SLC35F4: variants seen among roughly 807,000 people sequenced by gnomAD.
SLC35F4 encodes the protein solute carrier family 35 member F4.
A neutral mutation model predicts 44.2 loss-of-function variants in SLC35F4; 24 were observed. The ratio of observed to expected loss-of-function variants is 0.54; its 90% CI spans 0.39 to 0.76. SLC35F4 has a LOEUF of 0.76. Ranked by LOEUF, SLC35F4 falls within the 30% of genes least tolerant of loss-of-function variation. The probability of loss-of-function intolerance (pLI) is 0.00; values close to 1 mark genes in which losing one functional copy is unlikely to be tolerated. For missense variants in SLC35F4, 562 were observed against 586.1 expected, an observed-to-expected ratio of 0.96 and a Z score of 0.42; for synonymous variants, 238 against 223.6, an observed-to-expected ratio of 1.06 and a Z score of -0.57.
chr14:57,958,116 C>T (rs1334485484), intron 1 of SLC35F4, among the ~76,000 whole-genome samples: 2 of 151,262 alleles, frequency 1.3e-5, no homozygotes, highest in African/African-American at 4.9e-5. Flanking sequence ...AGTGCAGTGG[C>T]GCGAAATCTC....
At chr14:57,957,468 T>C (rs1261191702) in intron 1 of SLC35F4, among the ~76,000 whole-genome samples, 1 of 152,092 alleles carries the variant, frequency 6.6e-6, no homozygotes, top group Non-Finnish European at 1.5e-5. Flanking sequence ...ATTCCATATA[T>C]ACAAATTTTG....
At chr14:57,772,711 A>C (rs1181277541) in intron 1 of SLC35F4, among the ~76,000 whole-genome samples, 2 of 152,198 alleles carry the variant, frequency 1.3e-5, no homozygotes, top group Non-Finnish European at 2.9e-5. Flanking sequence ...ATGGCTGCAT[A>C]GTATTCCATG....
At chr14:57,978,181 A>G (rs1881273710) in intron 1 of SLC35F4, among the ~76,000 whole-genome samples, 1 of 152,108 alleles carries the variant, frequency 6.6e-6, no homozygotes, top group Non-Finnish European at 1.5e-5. Context: ...AGGCTGATCT[A>G]GTTGTTTCAC....
At chr14:57,575,751 T>C (rs2068750113) in intron 4 of SLC35F4, among the ~76,000 whole-genome samples, 1 of 152,170 alleles carries the variant, frequency 6.6e-6, no homozygotes, top group South Asian at 2.1e-4. Flanking sequence ...GCTGGGGCCC[T>C]CAGACAGCTC....
At chr14:57,574,661 T>C (rs1180001439) in intron 4 of SLC35F4, among the ~76,000 whole-genome samples, 1 of 152,218 alleles carries the variant, frequency 6.6e-6, no homozygotes, top group Non-Finnish European at 1.5e-5. Context: ...AAATTTTAAA[T>C]ATATTTCTTA....
At chr14:57,799,790 C>A (rs1248345225) in intron 1 of SLC35F4, among the ~76,000 whole-genome samples, 3 of 152,246 alleles carry the variant, frequency 2.0e-5, no homozygotes, top group Non-Finnish European at 2.9e-5. Flanking sequence ...TTCCTCCTCA[C>A]TGGGTGGGAC....
intron 1 of SLC35F4, among the ~76,000 whole-genome samples, chr14:57,720,547 T>A (rs190700249): frequency 2.2e-4 from 34 of 152,276 alleles, no homozygotes; most frequent in African/African-American, 7.9e-4. Context: ...TCTTCCTGGG[T>A]CAATCTTGGT....
At chr14:57,720,979 C>CAT (rs3062932) in intron 1 of SLC35F4, among the ~76,000 whole-genome samples, 9,233 of 49,524 alleles carry the variant, frequency 0.19, 851 homozygotes, top group Non-Finnish European at 0.19. Context: ...ATAAACTCCT[C>CAT]ATATATATAT....
intron 1 of SLC35F4, among the ~76,000 whole-genome samples, chr14:57,650,571 G>C (rs546635554): frequency 6.6e-6 from 1 of 152,048 alleles, no homozygotes; most frequent in Admixed American, 6.6e-5. Context: ...AGACCACTAC[G>C]ATAATCTGCT....
At chr14:57,627,484 T>G (rs1948909958) in intron 1 of SLC35F4, among the ~76,000 whole-genome samples, 1 of 149,620 alleles carries the variant, frequency 6.7e-6, no homozygotes, top group Non-Finnish European at 1.5e-5. Flanking sequence ...TATGGAATTA[T>G]ACTTACTTTA....
intron 1 of SLC35F4, among the ~76,000 whole-genome samples, chr14:57,872,533 C>G (rs1274523087): frequency 6.6e-6 from 1 of 152,176 alleles, no homozygotes; most frequent in Non-Finnish European, 1.5e-5. Flanking sequence ...CAGCACCTCA[C>G]CTCATGCCAA....
intron 1 of SLC35F4, among the ~76,000 whole-genome samples, chr14:57,764,006 C>T (rs759444758): frequency 6.6e-5 from 10 of 152,138 alleles, no homozygotes; most frequent in Non-Finnish European, 1.2e-4. Flanking sequence ...GAAACACATG[C>T]TGTTGGGATG....
chr14:57,630,857 A>T (rs1191321827), intron 1 of SLC35F4: 15 of 874,098 alleles, frequency 1.7e-5, no homozygotes, highest in Non-Finnish European at 2.0e-5. Flanking sequence ...TTGAGAAGCC[A>T]CTCTTAAGAG....
chr14:57,656,160 C>T (rs555630051), intron 1 of SLC35F4, among the ~76,000 whole-genome samples: 64 of 152,108 alleles, frequency 4.2e-4, no homozygotes, highest in African/African-American at 1.5e-3. Context: ...TCTACTACTC[C>T]CCTTCCTATC....
chr14:57,757,116 T>C (rs921904722), intron 1 of SLC35F4, among the ~76,000 whole-genome samples: 1 of 152,222 alleles, frequency 6.6e-6, no homozygotes, highest in Admixed American at 6.5e-5. Context: ...TTTCCTCTTG[T>C]TGAAATTGAT....
At chr14:57,930,724 G>T (rs985665758) in intron 1 of SLC35F4, among the ~76,000 whole-genome samples, 1 of 152,180 alleles carries the variant, frequency 6.6e-6, no homozygotes, top group African/African-American at 2.4e-5. Flanking sequence ...TAGACTGCAG[G>T]TGCATCATCT....
At chr14:57,733,763 A>G (rs1035070982) in intron 1 of SLC35F4, among the ~76,000 whole-genome samples, 5 of 152,062 alleles carry the variant, frequency 3.3e-5, no homozygotes, top group African/African-American at 9.7e-5. Context: ...AGGTTTAGTG[A>G]TTATTAATTC....
chr14:57,672,954 A>C (rs1000009218), intron 1 of SLC35F4, among the ~76,000 whole-genome samples: 2 of 151,852 alleles, frequency 1.3e-5, no homozygotes, highest in Admixed American at 1.3e-4. Context: ...TCACAATTTC[A>C]CTGTGCTAAT....
chr14:57,835,199 A>G (rs1394576629), intron 1 of SLC35F4, among the ~76,000 whole-genome samples: 1 of 152,222 alleles, frequency 6.6e-6, no homozygotes, highest in Non-Finnish European at 1.5e-5. Flanking sequence ...CATCTCCTTC[A>G]GATCCTGTAA....
Sources: gnomAD v4.1 joint callset for allele counts (sites outside exome capture counted in the v4.1 genomes callset) on GRCh38, gnomAD v4.1.1 for gene constraint, MANE v1.5 for transcripts, NCBI Gene and HGNC (gene_info 2026-07-23, HGNC 2026-07-21) for gene names.